The following ICA1L variants were observed in gnomAD, a reference collection of about 807,000 sequenced individuals.
The protein encoded by ICA1L is islet cell autoantigen 1 like.
In ICA1L, 50 loss-of-function variants were observed where a neutral mutation model predicts 61.3. The observed-to-expected ratio is 0.82, with a 90% CI of 0.65 to 1.03. The LOEUF (loss-of-function observed/expected upper bound fraction) is 1.03, where lower values mean the gene tolerates loss of function less well. Among genes scored for constraint, ICA1L ranks in the 50% least tolerant of loss-of-function variants. The pLI, the probability that ICA1L is intolerant of heterozygous loss-of-function variation, is 0.00. For missense variants in ICA1L, 508 were observed against 556.7 expected (o/e 0.91, Z 0.88); for synonymous variants, 161 against 191.3 (o/e 0.84, Z 1.31).
At chr2:202,835,991 A>G (rs1490196322) in intron 1 of ICA1L, among the ~76,000 whole-genome samples, 1 of 152,214 alleles carries the variant, frequency 6.6e-6, no homozygotes, top group Non-Finnish European at 1.5e-5. Flanking sequence ...CTTCACTGAC[A>G]ATCTGAAAGC....
chr2:202,831,043 G>T (rs1694002881), intron 1 of ICA1L, among the ~76,000 whole-genome samples: 1 of 152,078 alleles, frequency 6.6e-6, no homozygotes, highest in Non-Finnish European at 1.5e-5. Context: ...AATGAAATTA[G>T]AATAGCTATA....
At chr2:202,820,688 T>C (rs527461680) in intron 4 of ICA1L, among the ~76,000 whole-genome samples, 33 of 152,188 alleles carry the variant, frequency 2.2e-4, no homozygotes, top group Non-Finnish European at 4.4e-4. Context: ...CAATTCCTCC[T>C]TTTTGCTTAG....
chr2:202,826,051 A>T (rs968255518), intron 2 of ICA1L, among the ~76,000 whole-genome samples: 6 of 152,188 alleles, frequency 3.9e-5, no homozygotes, highest in Admixed American at 2.0e-4. Context: ...TCTCAGCTCC[A>T]AACTATCTAA....
rs1304909663 is a variant in ICA1L, at chr2:202,774,252, C to T, written c.*5281G>A. The stretch of plus-strand genomic sequence containing the variant: ...GGCTCCTGAGTCTTCTCGCTCCTGT[C>T]GGCCAAAGGCCGTGACCCCGACGCG... On this transcript the variant is annotated 3_prime_UTR_variant, in exon 13 of 13. Transcript: ENST00000358299. 51 of 1,545,350 alleles carry T rather than the reference C, an allele frequency of 3.3e-5. No homozygotes were observed. The highest frequency in any genetic ancestry group is 4.0e-5 in the Non-Finnish European group (46 of 1,145,372).
intron 1 of ICA1L, among the ~76,000 whole-genome samples, chr2:202,870,101 G>A (rs1052942225): frequency 2.0e-5 from 3 of 152,026 alleles, no homozygotes; most frequent in African/African-American, 7.2e-5. Context: ...AAGTATAAAA[G>A]TACAGAAAAA....
chr2:202,817,980 G>T (rs1469588308), intron 5 of ICA1L, among the ~76,000 whole-genome samples: 1 of 152,094 alleles, frequency 6.6e-6, no homozygotes, highest in African/African-American at 2.4e-5. Flanking sequence ...TATATTTCTT[G>T]AATAAATGGT....
chr2:202,781,403 G>GTC (rs1692398775), intron 12 of ICA1L, among the ~76,000 whole-genome samples: 1 of 150,966 alleles, frequency 6.6e-6, no homozygotes, highest in Non-Finnish European at 1.5e-5. Context: ...TGAAACCCCT[G>GTC]TCTCTACTTA....
rs1390780951 is a variant in ICA1L at position 202,774,423 on chromosome 2, G to A, written c.*5110C>T. 3 of 835,620 alleles carry A rather than the reference G, an allele frequency of 3.6e-6. No homozygotes were observed. In the South Asian group the frequency reaches 7.5e-5, roughly 21 times the overall value. 51.8% of individuals were successfully genotyped at this position (835,620 alleles called of 1,614,324 possible). A position where few individuals can be genotyped will look rare whatever the true frequency, so the allele number is the denominator to read the frequency against. On this transcript the variant is annotated 3_prime_UTR_variant, in exon 13 of 13. Coordinates refer to ENST00000358299, the MANE Select transcript of ICA1L (RefSeq NM_001288622.3). Reference sequence around the variant, plus strand: ...TCCAACAGCCAGGGTCGAGCCCCTGGCTCCCCGTTCGTCCAGGCCAGCTCA... The same window carrying A: ...TCCAACAGCCAGGGTCGAGCCCCTGACTCCCCGTTCGTCCAGGCCAGCTCA...
At chr2:202,857,461 A>G (rs1250661504) in intron 1 of ICA1L, among the ~76,000 whole-genome samples, 2 of 152,220 alleles carry the variant, frequency 1.3e-5, no homozygotes, top group Non-Finnish European at 2.9e-5. Flanking sequence ...CTCACACCTT[A>G]TATAAAAATT....
chr2:202,784,435 C>T (rs1405459654), intron 12 of ICA1L, among the ~76,000 whole-genome samples: 1 of 151,610 alleles, frequency 6.6e-6, no homozygotes, highest in Non-Finnish European at 1.5e-5. Context: ...ACTCTGTCTC[C>T]AAAAAAACAA....
chr2:202,820,107 C>T, intron 4 of ICA1L: 1 of 529,666 alleles, frequency 1.9e-6, no homozygotes, highest in Non-Finnish European at 3.4e-6. Flanking sequence ...GGCGCGGTGG[C>T]TGACGCTTGT....
rs558221140 is a variant in ICA1L at position 202,782,110 on chromosome 2, C to T, written c.1334-2462G>A. 9.2e-5 allele frequency among the ~76,000 whole-genome samples: 14 copies of T among 152,144 alleles called. No individual in the cohort carries two copies. In the South Asian group the frequency reaches 2.7e-3, roughly 29 times the overall value. On this transcript the variant is annotated intron_variant, in intron 12 of 12. Transcript: ENST00000358299. The stretch of plus-strand genomic sequence containing the variant: ...CCTGTAATCCCAGCACTTTAGGAGG[C>T]CAAGGCAGGTGGATCACTTGAGGTC...
chr2:202,811,634 C>G, intron 9 of ICA1L, 112 bp downstream of exon 9: 1 of 739,720 alleles, frequency 1.4e-6, no homozygotes, highest in Non-Finnish European at 2.2e-6. Flanking sequence ...TGCACTCCAG[C>G]CTGGGGGACA....
At chr2:202,800,663 C>G (rs555106939) in intron 9 of ICA1L, among the ~76,000 whole-genome samples, 1 of 152,138 alleles carries the variant, frequency 6.6e-6, no homozygotes, top group Non-Finnish European at 1.5e-5. Context: ...ATGTAAATTT[C>G]TCCTACATAC....
Position 202,814,687 on chromosome 2 carries a change from C to T in ICA1L, c.866+15G>A. On this transcript the variant is annotated intron_variant, in intron 8 of 12. Coordinates refer to ENST00000358299, the MANE Select transcript of ICA1L (RefSeq NM_001288622.3). ...GACTTCTATAACATGACACAGATGA[C>T]TTATGCCTGCTTACTTATTGAGCTG... 6.3e-7 allele frequency: 1 copy of T among 1,578,322 alleles called. No homozygotes were observed. Among genetic ancestry groups the T allele is most frequent in the Non-Finnish European group, 8.7e-7 (1 of 1,147,976 alleles).
rs144996834 is a variant in ICA1L at position 202,801,857 on chromosome 2, T to A, written c.911-4893A>T. Reference sequence around the variant, plus strand: ...GAGGGTTAAAGTGGTCACCAGGCTGTGAGTATTCCTTGACTCTGGGAAGAA... The same window carrying A: ...GAGGGTTAAAGTGGTCACCAGGCTGAGAGTATTCCTTGACTCTGGGAAGAA... On this transcript the variant is annotated intron_variant, in intron 9 of 12. Transcript: ENST00000358299. Among the ~76,000 whole-genome samples the A allele has an allele frequency of 5.1e-4, 78 of 152,384 alleles. 1 individual carries two copies. The highest frequency in any genetic ancestry group is 1.9e-3 in the African/African-American group (77 of 41,588).
Position 202,777,700 on chromosome 2 carries a change from G to A in ICA1L, c.*1833C>T, listed in dbSNP as rs1692267292. The A allele has an allele frequency of 6.6e-6, 1 of 152,046 alleles. No individual in the cohort carries two copies. Among genetic ancestry groups the A allele is most frequent in the Non-Finnish European group, 1.5e-5 (1 of 68,038 alleles). The allele number at this position is 152,046 out of a possible 1,614,324, so 9.4% of individuals were successfully genotyped here. The stretch of plus-strand genomic sequence containing the variant: ...TGTAGTAGTTTTCTGGAGAGCCTGT[G>A]GGCAGTTACTATTGTAGATGGCTAT... On this transcript the variant is annotated 3_prime_UTR_variant, in exon 13 of 13. Transcript: ENST00000358299.
intron 1 of ICA1L, among the ~76,000 whole-genome samples, chr2:202,839,131 C>A (rs1352698793): frequency 6.6e-6 from 1 of 152,142 alleles, no homozygotes; most frequent in East Asian, 1.9e-4. Flanking sequence ...TTATATCTAA[C>A]CCCACTCTCT....
Position 202,774,268 on chromosome 2 carries a change from C to T in ICA1L, c.*5265G>A. On this transcript the variant is annotated 3_prime_UTR_variant, in exon 13 of 13. Transcript: ENST00000358299. ...CGCTCCTGTCGGCCAAAGGCCGTGA[C>T]CCCGACGCGTGCAGGCACCTACGGG... 6.5e-7 allele frequency: 1 copy of T among 1,544,414 alleles called. No homozygotes were observed. Among genetic ancestry groups the T allele is most frequent in the Non-Finnish European group, 8.7e-7 (1 of 1,145,162 alleles).
Sources: allele counts gnomAD v4.1 joint callset (sites outside exome capture counted in the v4.1 genomes callset), GRCh38; gene constraint gnomAD v4.1.1; transcripts MANE v1.5; gene names NCBI Gene and HGNC (gene_info 2026-07-23, HGNC 2026-07-21).